DLG2: variants seen among roughly 807,000 people sequenced by gnomAD.
The protein encoded by DLG2 is disks large homolog 2.
DLG2 carries 45 observed loss-of-function variants against 132.5 expected under a neutral mutation model. That is an observed-to-expected ratio of 0.34 (90% CI 0.27 to 0.44). The LOEUF is 0.44. DLG2 is among the 20% of genes least tolerant of loss of function. The pLI, the probability that DLG2 is intolerant of heterozygous loss-of-function variation, is 1.00. For missense variants in DLG2, 1,045 were observed against 1,196.9 expected (o/e 0.87, Z 1.87); for synonymous variants, 424 against 419.6 (o/e 1.01, Z -0.13).
intron 18 of DLG2, among the ~76,000 whole-genome samples, chr11:83,654,010 G>A (rs572862199): frequency 1.7e-4 from 26 of 152,164 alleles, no homozygotes; most frequent in African/African-American, 5.8e-4. Context: ...ATGAGCCACC[G>A]CGCCTGGCCA....
At chr11:84,952,386 G>A (rs1245098037) in intron 6 of DLG2, among the ~76,000 whole-genome samples, 2 of 152,020 alleles carry the variant, frequency 1.3e-5, no homozygotes, top group Non-Finnish European at 2.9e-5. Context: ...GCGCAGTGGC[G>A]GGCGCCTGTA....
At chr11:84,562,986 A>C (rs1486459665) in intron 6 of DLG2, among the ~76,000 whole-genome samples, 1 of 152,124 alleles carries the variant, frequency 6.6e-6, no homozygotes, top group Non-Finnish European at 1.5e-5. Context: ...TGCTGGGCTC[A>C]AGTGATCCTC....
intron 2 of DLG2, among the ~76,000 whole-genome samples, chr11:85,621,942 C>T (rs2081734852): frequency 6.6e-6 from 1 of 152,194 alleles, no homozygotes; most frequent in South Asian, 2.1e-4. Context: ...TCTCATGCTA[C>T]AGAGAAATCT....
At chr11:83,755,154 A>T (rs2093594013) in intron 18 of DLG2, among the ~76,000 whole-genome samples, 1 of 151,424 alleles carries the variant, frequency 6.6e-6, no homozygotes, top group Non-Finnish European at 1.5e-5. Context: ...AATATTTTTT[A>T]AATGTAGGTT....
chr11:85,304,123 C>A (rs1352653575), intron 3 of DLG2, among the ~76,000 whole-genome samples: 1 of 152,104 alleles, frequency 6.6e-6, no homozygotes. Context: ...TGTTGTTACA[C>A]CTAGCAGATT....
At chr11:83,689,969 TTTATA>T (rs60850924) in intron 18 of DLG2, among the ~76,000 whole-genome samples, 3 of 110,114 alleles carry the variant, frequency 2.7e-5, no homozygotes, top group Non-Finnish European at 3.9e-5. Flanking sequence ...ATAATATATA[TTTATA>T]TTATAATATA....
At chr11:85,021,646 C>T in intron 6 of DLG2, 2 of 1,201,290 alleles carry the variant, frequency 1.7e-6, no homozygotes, top group Non-Finnish European at 2.5e-6. Context: ...GGTAACGTTG[C>T]TAGCCATTGT....
chr11:84,648,992 T>C (rs1468711735), intron 6 of DLG2, among the ~76,000 whole-genome samples: 4 of 152,184 alleles, frequency 2.6e-5, no homozygotes. Flanking sequence ...TATTATTTTT[T>C]TTCTAAAGCA....
intron 7 of DLG2, among the ~76,000 whole-genome samples, chr11:84,317,879 A>G (rs2098376985): frequency 6.6e-6 from 1 of 152,202 alleles, no homozygotes; most frequent in Non-Finnish European, 1.5e-5. Context: ...TTAAATCACG[A>G]TTATGCATTT....
chr11:85,169,027 T>C (rs1455351169), intron 4 of DLG2, among the ~76,000 whole-genome samples: 5 of 152,126 alleles, frequency 3.3e-5, no homozygotes, highest in African/African-American at 1.2e-4. Flanking sequence ...TACCAAAATT[T>C]GTGTATGCTC....
At chr11:85,502,946 G>T (rs2093839062) in intron 3 of DLG2, among the ~76,000 whole-genome samples, 1 of 151,896 alleles carries the variant, frequency 6.6e-6, no homozygotes, top group Admixed American at 6.6e-5. Context: ...CTCTACAATG[G>T]ATACATTACA....
chr11:83,739,051 A>G (rs1405753908), intron 18 of DLG2, among the ~76,000 whole-genome samples: 1 of 152,108 alleles, frequency 6.6e-6, no homozygotes, highest in South Asian at 2.1e-4. Context: ...TCCTTGTATT[A>G]GTTCTTCTCT....
chr11:84,498,790 T>C (rs2099193304), intron 7 of DLG2, among the ~76,000 whole-genome samples: 1 of 152,216 alleles, frequency 6.6e-6, no homozygotes, highest in South Asian at 2.1e-4. Flanking sequence ...TGTCAGGTAT[T>C]ATTTTCTTTA....
intron 6 of DLG2, among the ~76,000 whole-genome samples, chr11:84,645,264 T>C (rs1285338402): frequency 6.6e-6 from 1 of 152,148 alleles, no homozygotes; most frequent in Non-Finnish European, 1.5e-5. Context: ...AAATGGGCGT[T>C]ATAATAGGTA....
chr11:85,218,532 T>C (rs990395399), intron 4 of DLG2, among the ~76,000 whole-genome samples: 2 of 152,028 alleles, frequency 1.3e-5, no homozygotes, highest in Non-Finnish European at 2.9e-5. Flanking sequence ...CTCACACCAG[T>C]CAGAATGGCT....
intron 6 of DLG2, among the ~76,000 whole-genome samples, chr11:85,031,344 G>A (rs2060984516): frequency 6.6e-6 from 1 of 151,924 alleles, no homozygotes; most frequent in Non-Finnish European, 1.5e-5. Context: ...TCTAAGCAGT[G>A]TACAGCTGAT....
intron 7 of DLG2, among the ~76,000 whole-genome samples, chr11:84,373,266 A>AAAAAAAAAAAC (rs2098715579): frequency 4.4e-5 from 2 of 45,236 alleles, no homozygotes; most frequent in Non-Finnish European, 1.2e-4. Context: ...AAAAAAAAAC[A>AAAAAAAAAAAC]AAACAAAAAA....
chr11:85,434,993 C>T (rs931474765), intron 3 of DLG2, among the ~76,000 whole-genome samples: 1 of 152,174 alleles, frequency 6.6e-6, no homozygotes, highest in Non-Finnish European at 1.5e-5. Flanking sequence ...CGGCTTCATC[C>T]CTGGGATGCA....
At chr11:83,914,223 T>C (rs547269376) in intron 15 of DLG2, among the ~76,000 whole-genome samples, 1 of 152,196 alleles carries the variant, frequency 6.6e-6, no homozygotes, top group South Asian at 2.1e-4. Flanking sequence ...TTTTCACTGT[T>C]AGTTCCTGCA....
Sources: allele counts gnomAD v4.1 joint callset (sites outside exome capture counted in the v4.1 genomes callset), GRCh38; gene constraint gnomAD v4.1.1; transcripts MANE v1.5; gene names NCBI Gene and HGNC (gene_info 2026-07-23, HGNC 2026-07-21).